Variants in CEP112 observed in about 807,000 individuals in gnomAD.
The protein encoded by CEP112 is centrosomal protein 112.
In CEP112, 127 loss-of-function variants were observed where a neutral mutation model predicts 153.0. The ratio of observed to expected loss-of-function variants is 0.83; its 90% confidence interval spans 0.72 to 0.96. The LOEUF (loss-of-function observed/expected upper bound fraction) is 0.96, where lower values mean the gene tolerates loss of function less well. Among genes scored for constraint, CEP112 ranks in the 40% least tolerant of loss-of-function variants. CEP112 has a pLI of 0.00. For synonymous variants in CEP112, 358 were observed against 374.4 expected (o/e 0.96, Z 0.51); for missense variants, 1,089 against 1,101.2 (o/e 0.99, Z 0.16).
rs1291858612 is a variant in CEP112 at position 65,826,484 on chromosome 17, T to C, written c.2394+25320A>G. ...CCCACCACAATCTCTTAGGTGGGGG[T>C]GAGGTGAGATAGTGACATCACAACC... is the stretch of plus-strand genomic sequence containing the variant. On this transcript the variant is annotated intron_variant, in intron 21 of 26. Transcript: ENST00000535342. 2.1e-6 allele frequency: 3 copies of C among 1,450,310 alleles called. No individual in the cohort carries two copies. The African/African-American group carries it at 4.3e-5, about 21-fold the overall frequency. 89.8% of individuals were successfully genotyped at this position (1,450,310 alleles called of 1,614,324 possible). A position where few individuals can be genotyped will look rare whatever the true frequency, so the allele number is the denominator to read the frequency against.
chr17:65,652,416 A>T (rs1017668214), intron 24 of CEP112, among the ~76,000 whole-genome samples: 1 of 152,160 alleles, frequency 6.6e-6, no homozygotes, highest in Non-Finnish European at 1.5e-5. Context: ...TATAAGTTGC[A>T]CATAATAGAT....
chr17:65,855,780 T>C (rs2058101556), intron 20 of CEP112, among the ~76,000 whole-genome samples: 1 of 152,188 alleles, frequency 6.6e-6, no homozygotes, highest in Non-Finnish European at 1.5e-5. Flanking sequence ...AAGTGCGTAA[T>C]AGGCCGGGTG....
intron 6 of CEP112, among the ~76,000 whole-genome samples, chr17:66,122,292 T>C (rs1488977798): frequency 6.6e-6 from 1 of 152,214 alleles, no homozygotes; most frequent in Non-Finnish European, 1.5e-5. Context: ...AAATCTGGTC[T>C]CACAGGCCAT....
intron 21 of CEP112, among the ~76,000 whole-genome samples, chr17:65,823,534 T>C (rs1004330274): frequency 6.6e-6 from 1 of 152,046 alleles, no homozygotes; most frequent in African/African-American, 2.4e-5. Flanking sequence ...GACCAAAAAG[T>C]AAAACCTGAA....
chr17:65,656,088 C>T (rs2046048670), intron 24 of CEP112, among the ~76,000 whole-genome samples: 1 of 152,174 alleles, frequency 6.6e-6, no homozygotes, highest in Non-Finnish European at 1.5e-5. Context: ...GTGACGGGAC[C>T]CTAAGGCAAT....
intron 6 of CEP112, among the ~76,000 whole-genome samples, chr17:66,112,446 AT>A (rs66766250): frequency 0.39 from 59,036 of 152,032 alleles, 13,055 homozygotes; most frequent in East Asian, 0.87. Flanking sequence ...AATATAAAAA[AT>A]ATAAAGTAAT....
At chr17:66,051,146 AT>A (rs55855547) in intron 12 of CEP112, among the ~76,000 whole-genome samples, 76 of 145,392 alleles carry the variant, frequency 5.2e-4, no homozygotes, top group Admixed American at 1.5e-3. Flanking sequence ...GGCCTAGCTA[AT>A]TTTTTTTTTT....
chr17:65,763,550 G>A (rs2052743305), intron 21 of CEP112, among the ~76,000 whole-genome samples: 1 of 149,864 alleles, frequency 6.7e-6, no homozygotes, highest in Non-Finnish European at 1.5e-5. Context: ...AGTTTCTACT[G>A]AGATATCCTC....
At chr17:65,883,511 C>T (rs180818993) in intron 20 of CEP112, among the ~76,000 whole-genome samples, 121 of 152,170 alleles carry the variant, frequency 8.0e-4, no homozygotes, top group African/African-American at 2.5e-3. Context: ...CAGGCATCTG[C>T]CACCATGCCC....
intron 8 of CEP112, among the ~76,000 whole-genome samples, chr17:66,081,217 T>G (rs1200836996): frequency 1.3e-5 from 2 of 152,148 alleles, no homozygotes; most frequent in African/African-American, 4.8e-5. Flanking sequence ...TTTAGTTCTC[T>G]TCATATAAAG....
intron 12 of CEP112, among the ~76,000 whole-genome samples, chr17:66,036,241 G>T (rs1181545018): frequency 6.6e-6 from 1 of 152,120 alleles, no homozygotes; most frequent in Non-Finnish European, 1.5e-5. Context: ...TACTCAATGG[G>T]TACAGAGTTT....
chr17:66,074,873 G>GAAAAAAAAAAAAAAAAAAAAAAA (rs1242846957), intron 8 of CEP112, among the ~76,000 whole-genome samples: 2 of 91,276 alleles, frequency 2.2e-5, no homozygotes, highest in Non-Finnish European at 4.5e-5. Context: ...AAAAAAAAAA[G>GAAAAAAAAAAAAAAAAAAAAAAA]AAAAAAAAAA....
At chr17:65,902,525 G>C (rs769140840) in intron 19 of CEP112, among the ~76,000 whole-genome samples, 191 bp from the exon 20 acceptor site, 2 of 151,896 alleles carry the variant, frequency 1.3e-5, no homozygotes, top group African/African-American at 4.8e-5. Flanking sequence ...ATTCAAAATA[G>C]TTGGGCATAT....
intron 18 of CEP112, among the ~76,000 whole-genome samples, chr17:65,929,090 G>A (rs979631176): frequency 6.6e-6 from 1 of 152,120 alleles, no homozygotes. Flanking sequence ...GTGTTTCTTT[G>A]GGGGAAGATG....
intron 24 of CEP112, among the ~76,000 whole-genome samples, chr17:65,650,154 C>T (rs1180958994): frequency 6.6e-6 from 1 of 152,126 alleles, no homozygotes; most frequent in Non-Finnish European, 1.5e-5. Flanking sequence ...TGTTTTTTCT[C>T]TAATTCTTCT....
chr17:65,692,045 C>A (rs2048129487), intron 23 of CEP112, among the ~76,000 whole-genome samples: 1 of 152,184 alleles, frequency 6.6e-6, no homozygotes, highest in Admixed American at 6.5e-5. Context: ...GTGCAGATGT[C>A]ATTATCAGCA....
chr17:65,965,928 C>A (rs981183053), intron 17 of CEP112, among the ~76,000 whole-genome samples: 48 of 152,232 alleles, frequency 3.2e-4, no homozygotes, highest in African/African-American at 1.1e-3. Context: ...AATGAAAATG[C>A]TGAAGCTTTG....
chr17:65,954,153 C>T (rs1002784865), intron 18 of CEP112, among the ~76,000 whole-genome samples: 9 of 152,286 alleles, frequency 5.9e-5, no homozygotes, highest in South Asian at 4.1e-4. Context: ...GGCTACAAGA[C>T]GTAAAGACAG....
intron 20 of CEP112, among the ~76,000 whole-genome samples, chr17:65,858,159 G>A (rs1598798216): frequency 6.6e-6 from 1 of 152,142 alleles, no homozygotes. Flanking sequence ...AGTTGGCCTG[G>A]AATTTTTATT....
Sources: allele counts gnomAD v4.1 joint callset (sites outside exome capture counted in the v4.1 genomes callset), GRCh38; gene constraint gnomAD v4.1.1; transcripts MANE v1.5; gene names NCBI Gene and HGNC (gene_info 2026-07-23, HGNC 2026-07-21).